The following CYP2B6 variants were observed in gnomAD, a reference collection of about 807,000 sequenced individuals.
CYP2B6 encodes the protein cytochrome P450 family 2 subfamily B member 6.
In CYP2B6, 35 loss-of-function variants were observed where a neutral mutation model predicts 43.4. The observed-to-expected ratio is 0.81, with a 90% CI of 0.62 to 1.07. The LOEUF (loss-of-function observed/expected upper bound fraction) is 1.07, where lower values mean the gene tolerates loss of function less well. CYP2B6 is among the 50% of genes least tolerant of loss of function. CYP2B6 has a pLI of 0.00. For missense variants in CYP2B6, 624 were observed against 632.8 expected (o/e 0.99, Z 0.15); for synonymous variants, 239 against 239.2 (o/e 1.00, Z 0.01).
Position 41,004,049 on chromosome 19 carries a change from C to G in CYP2B6, c.220C>G (p.Pro74Ala), listed in dbSNP as rs1217896820. The G allele has an allele frequency of 1.9e-6, 3 of 1,613,540 alleles. No individual in the cohort carries two copies. The highest frequency in any genetic ancestry group is 2.5e-6 in the Non-Finnish European group (3 of 1,179,710). ...DVFTVHLGPRPVVMLCGVEAI... is the reference protein window; with the variant it reads ...DVFTVHLGPRAVVMLCGVEAI... ...CTTCACGGTACACCTGGGACCGAGGCCCGTGGTCATGCTGTGTGGAGTAGA... is the reference window on the plus strand; with the variant it reads ...CTTCACGGTACACCTGGGACCGAGGGCCGTGGTCATGCTGTGTGGAGTAGA... The change falls in exon 2 of 9, where the codon CCC (proline) becomes GCC (alanine). Residue 74 changes from proline (P) to alanine (A), a missense_variant. Physicochemically the swap from Pro to Ala is conservative, Grantham distance 27. Coordinates refer to ENST00000324071, the MANE Select transcript of CYP2B6 (RefSeq NM_000767.5).
chr19:41,011,952 AT>A (rs886318796), intron 6 of CYP2B6, among the ~76,000 whole-genome samples: 8 of 151,404 alleles, frequency 5.3e-5, no homozygotes, highest in Admixed American at 2.0e-4. Flanking sequence ...TTTTAAAAAA[AT>A]TTTTTTTTCT....
chr19:40,991,557 G>T, intron 1 of CYP2B6, 81 bp downstream of exon 1: 3 of 1,521,490 alleles, frequency 2.0e-6, no homozygotes, highest in African/African-American at 2.7e-5. Context: ...ACAGAATGAG[G>T]CAGACTTCCA....
At chr19:40,995,823 ACAAT>A (rs911335631) in intron 1 of CYP2B6, among the ~76,000 whole-genome samples, 8 of 152,132 alleles carry the variant, frequency 5.3e-5, no homozygotes, top group African/African-American at 1.2e-4. Flanking sequence ...CTGTTGCGGG[ACAAT>A]CAAAGACTGG....
Position 41,016,665 on chromosome 19 carries a change from T to C in CYP2B6, c.1314T>C (p.Gly438=). The C allele has an allele frequency of 6.2e-7, 1 of 1,614,196 alleles. No individual in the cohort carries two copies. Among genetic ancestry groups the C allele is most frequent in the Non-Finnish European group, 8.5e-7 (1 of 1,180,008 alleles). ...CCACAGGGAAGCGGATTTGTCTTGG[T>C]GAAGGCATCGCCCGTGCGGAATTGT... ...PFSLGKRICL[G]EGIARAELFL... The change falls in exon 9 of 9, where the codon GGT becomes GGC. Residue 438 remains glycine, a synonymous_variant. Transcript: ENST00000324071.
chr19:40,993,041 G>A (rs16974790), intron 1 of CYP2B6, among the ~76,000 whole-genome samples: 14,831 of 152,004 alleles, frequency 0.098, 2,120 homozygotes, highest in African/African-American at 0.31. Flanking sequence ...CGAATAATTC[G>A]AAGTTCAGAC....
At chr19:40,998,235 C>T (rs184311755) in intron 1 of CYP2B6, among the ~76,000 whole-genome samples, 40 of 152,240 alleles carry the variant, frequency 2.6e-4, no homozygotes, top group South Asian at 1.0e-3. Flanking sequence ...GCTCTGCAGA[C>T]GCTATCTGGG....
intron 1 of CYP2B6, among the ~76,000 whole-genome samples, chr19:40,992,751 C>T (rs2144655421): frequency 6.6e-6 from 1 of 152,176 alleles, no homozygotes; most frequent in South Asian, 2.1e-4. Context: ...AACTCCTGGG[C>T]TCAAGCAATC....
chr19:41,010,932 C>T (rs1335733744), intron 6 of CYP2B6, among the ~76,000 whole-genome samples: 1 of 152,110 alleles, frequency 6.6e-6, no homozygotes, highest in Non-Finnish European at 1.5e-5. Flanking sequence ...ATCGATCCAT[C>T]CACTTATCAT....
chr19:40,992,488 A>T (rs1394935801), intron 1 of CYP2B6, among the ~76,000 whole-genome samples: 2 of 151,968 alleles, frequency 1.3e-5, no homozygotes, highest in South Asian at 2.1e-4. Flanking sequence ...AGCCCACTGG[A>T]TGTACAAAGA....
In CYP2B6 at chr19:41,004,004, C is replaced by T. The variant is rs371545330; in HGVS notation, c.175C>T (p.Arg59Ter). 13 of 1,613,286 alleles carry T rather than the reference C, an allele frequency of 8.1e-6. No homozygotes were observed. Among genetic ancestry groups the T allele is most frequent in the Admixed American group, 1.7e-5 (1 of 60,004 alleles). The change falls in exon 2 of 9, where the codon CGA (arginine) becomes TGA (stop). Residue 59 changes from arginine (R) to a stop codon, truncating the protein, a stop_gained. Transcript: ENST00000324071. LOFTEE classifies it high-confidence loss of function. ...RGLLKSFLRFREKYGDVFTVH... is the reference protein window; with the variant it reads ...RGLLKSFLRF Reference sequence around the variant, plus strand: ...CTGGTGTGGATGTGATTGGCAGTTCCGAGAGAAATATGGGGACGTCTTCAC... The same window carrying T: ...CTGGTGTGGATGTGATTGGCAGTTCTGAGAGAAATATGGGGACGTCTTCAC...
chr19:41,001,535 C>T (rs926395304), intron 1 of CYP2B6, among the ~76,000 whole-genome samples: 25 of 152,242 alleles, frequency 1.6e-4, no homozygotes, highest in Admixed American at 8.5e-4. Context: ...TGCATTGAGT[C>T]ACAGTTTTCT....
Position 41,006,932 on chromosome 19 carries a change from T to C in CYP2B6, c.512T>C (p.Phe171Ser), listed in dbSNP as rs1303503226. ...KGALMDPTFL[F>S]QSITANIICS... is the part of the protein sequence containing the mutation. Reference sequence around the variant, plus strand: ...GCCCTCATGGACCCCACCTTCCTCTTCCAGTCCATTACCGCCAACATCATC... The same window carrying C: ...GCCCTCATGGACCCCACCTTCCTCTCCCAGTCCATTACCGCCAACATCATC... Residue 171 changes from phenylalanine to serine, a missense_variant, in exon 4 of 9, where the codon TTC becomes TCC. Phe to Ser is a radical substitution (Grantham distance 155, BLOSUM62 -2). Transcript: ENST00000324071. The C allele has an allele frequency of 1.2e-6, 2 of 1,613,758 alleles. No homozygotes were observed. The highest frequency in any genetic ancestry group is 3.3e-5 in the Admixed American group (2 of 59,982).
At chr19:41,007,780 T>C (rs1224033656) in intron 4 of CYP2B6, among the ~76,000 whole-genome samples, 182 of 152,144 alleles carry the variant, frequency 1.2e-3, no homozygotes, top group African/African-American at 4.2e-3. Flanking sequence ...CCTGCCGCTA[T>C]GCCAGGCTAA....
intron 6 of CYP2B6, among the ~76,000 whole-genome samples, chr19:41,011,625 T>A (rs1336662194): frequency 6.6e-6 from 1 of 152,230 alleles, no homozygotes; most frequent in Non-Finnish European, 1.5e-5. Flanking sequence ...GTCTCAACTA[T>A]ATTATAAACA....
chr19:41,003,319 G>A (rs2144666363), intron 1 of CYP2B6, among the ~76,000 whole-genome samples: 1 of 152,152 alleles, frequency 6.6e-6, no homozygotes, highest in Admixed American at 6.5e-5. Context: ...CATTATATAG[G>A]GAGGGTGGTA....
At chr19:40,995,819 C>T (rs955387694) in intron 1 of CYP2B6, among the ~76,000 whole-genome samples, 6 of 152,130 alleles carry the variant, frequency 3.9e-5, no homozygotes, top group South Asian at 4.2e-4. Flanking sequence ...AATACTGTTG[C>T]GGGACAATCA....
intron 8 of CYP2B6, among the ~76,000 whole-genome samples, chr19:41,014,392 G>C (rs7255561): frequency 0.29 from 43,627 of 151,368 alleles, 6,706 homozygotes; most frequent in South Asian, 0.38. Flanking sequence ...TGCAACCTCT[G>C]CCTCCCAGGT....
Position 41,007,037 on chromosome 19 carries a change from T to C in CYP2B6, c.617T>C (p.Phe206Ser), listed in dbSNP as rs780680424. The change falls in exon 4 of 9, where the codon TTT becomes TCT. Residue 206 changes from phenylalanine to serine, a missense_variant. By Grantham distance (155) the Phe-to-Ser change is radical. Coordinates refer to ENST00000324071, the MANE Select transcript of CYP2B6 (RefSeq NM_000767.5). ...LKMLNLFYQTFSLISSVFGQL... is the reference protein window; with the variant it reads ...LKMLNLFYQTSSLISSVFGQL... Reference sequence around the variant, plus strand: ...ATGCTGAACTTGTTCTACCAGACTTTTTCACTCATCAGCTCTGTATTCGGC... The same window carrying C: ...ATGCTGAACTTGTTCTACCAGACTTCTTCACTCATCAGCTCTGTATTCGGC... The C allele has an allele frequency of 5.6e-6, 9 of 1,614,094 alleles. No homozygotes were observed. Among genetic ancestry groups the C allele is most frequent in the Non-Finnish European group, 7.6e-6 (9 of 1,180,034 alleles).
At chr19:41,005,330 C>A (rs1969160533) in intron 3 of CYP2B6, among the ~76,000 whole-genome samples, 1 of 152,034 alleles carries the variant, frequency 6.6e-6, no homozygotes, top group African/African-American at 2.4e-5. Flanking sequence ...TCTCTCTTAT[C>A]AAAATTTCTC....
Sources: allele counts gnomAD v4.1 joint callset (sites outside exome capture counted in the v4.1 genomes callset), GRCh38; gene constraint gnomAD v4.1.1; transcripts MANE v1.5; gene names NCBI Gene and HGNC (gene_info 2026-07-23, HGNC 2026-07-21).